The following TRAPPC9 variants were observed in gnomAD, a reference collection of about 807,000 sequenced individuals.
TRAPPC9 encodes trafficking protein particle complex subunit 9, also known as IKK2 binding protein.
In TRAPPC9, 83 loss-of-function variants were observed where a neutral mutation model predicts 124.0. The observed-to-expected ratio is 0.67, with a 90% CI of 0.56 to 0.80. TRAPPC9 has a LOEUF of 0.80. Among genes scored for constraint, TRAPPC9 ranks in the 30% least tolerant of loss-of-function variants. TRAPPC9 has a pLI of 0.00. For synonymous variants in TRAPPC9, 638 were observed against 617.5 expected (o/e 1.03, Z -0.49); for missense variants, 1,302 against 1,508.3 (o/e 0.86, Z 2.27).
At chr8:140,378,420 T>C (rs1361942922) in intron 7 of TRAPPC9, among the ~76,000 whole-genome samples, 2 of 152,170 alleles carry the variant, frequency 1.3e-5, no homozygotes, top group Admixed American at 1.3e-4. Flanking sequence ...CCAGCCTACA[T>C]CTTTCTCCCA....
At chr8:140,217,606 C>A (rs2063226567) in intron 17 of TRAPPC9, among the ~76,000 whole-genome samples, 1 of 122,424 alleles carries the variant, frequency 8.2e-6, no homozygotes, top group Non-Finnish European at 2.1e-5. Context: ...TTTACAGACA[C>A]ATGTAAACAC....
chr8:139,881,484 G>A (rs1829669733), intron 21 of TRAPPC9, among the ~76,000 whole-genome samples: 1 of 152,154 alleles, frequency 6.6e-6, no homozygotes, highest in Admixed American at 6.5e-5. Flanking sequence ...ACAACCTGCT[G>A]AAGCGGGAAT....
At chr8:139,850,656 C>A (rs531299156) in intron 21 of TRAPPC9, among the ~76,000 whole-genome samples, 1 of 152,340 alleles carries the variant, frequency 6.6e-6, no homozygotes, top group South Asian at 2.1e-4. Flanking sequence ...ACAATCAAGT[C>A]ATTCATCCAT....
rs1563980207 is a variant in TRAPPC9 at position 140,371,063 on chromosome 8, G to GGGCCACGCACTGCATGGC, written c.1234_1251dup (p.Ala412_Ala417dup). 4.3e-6 allele frequency: 7 copies of GGGCCACGCACTGCATGGC among 1,614,226 alleles called. 1 individual carries two copies. Among genetic ancestry groups the GGGCCACGCACTGCATGGC allele is most frequent in the Non-Finnish European group, 5.9e-6 (7 of 1,180,038 alleles). ...CTCCACCCAGGCTCCGCGATGCTTG[G>GGGCCACGCACTGCATGGC]GGCCACGCACTGCATGGCGGCCACG... On this transcript the variant is annotated inframe_insertion, in exon 8 of 23. Transcript: ENST00000438773.
chr8:139,880,824 C>T lies in TRAPPC9; in HGVS notation c.3055+5055G>A, dbSNP rs531694389. ...CACTGCAAACAGGAAAATATCATGC[C>T]CCATTTCTGGAAATGGTTCCACACT... On this transcript the variant is annotated intron_variant, in intron 21 of 22. Transcript: ENST00000438773. Among the ~76,000 whole-genome samples the T allele has an allele frequency of 7.9e-5, 12 of 152,212 alleles. No individual in the cohort carries two copies. In the South Asian group the frequency reaches 2.5e-3, roughly 32 times the overall value.
chr8:140,093,834 T>C (rs1844739375), intron 17 of TRAPPC9, among the ~76,000 whole-genome samples: 1 of 152,154 alleles, frequency 6.6e-6, no homozygotes, highest in African/African-American at 2.4e-5. Flanking sequence ...GGGCTAGACT[T>C]AGAATCCCAA....
intron 17 of TRAPPC9, among the ~76,000 whole-genome samples, chr8:140,149,897 G>C (rs1208825099): frequency 1.3e-5 from 2 of 152,296 alleles, no homozygotes; most frequent in South Asian, 2.1e-4. Context: ...ATGCATGTAC[G>C]TATGTCTAGG....
At chr8:140,292,349 C>G (rs1288268225) in intron 11 of TRAPPC9, among the ~76,000 whole-genome samples, 1 of 152,206 alleles carries the variant, frequency 6.6e-6, no homozygotes, top group African/African-American at 2.4e-5. Flanking sequence ...GCCCAGGAAC[C>G]ACACAGCAAG....
intron 21 of TRAPPC9, among the ~76,000 whole-genome samples, chr8:139,859,222 C>T (rs1429137792): frequency 1.3e-5 from 2 of 151,852 alleles, no homozygotes; most frequent in Non-Finnish European, 2.9e-5. Flanking sequence ...CCTGTGTGGC[C>T]GTGTGACCTG....
At position 139,788,930 on chromosome 8, in the gene TRAPPC9, G is replaced by A. The variant is rs868768130; in HGVS notation, c.3056-56728C>T. 5.3e-5 allele frequency among the ~76,000 whole-genome samples: 8 copies of A among 152,184 alleles called. No individual in the cohort carries two copies. The highest frequency in any genetic ancestry group is 1.9e-4 in the East Asian group (1 of 5,186). ...CCAAAGTTTTAAAAGAAAAGCCCAC[G>A]TGGGGAGCATTTTGTTTTGAAAAAG... On this transcript the variant is annotated intron_variant, in intron 21 of 22. Transcript: ENST00000438773. This position sits in a 1 kb window ranked among gnomAD's most constrained non-coding sequence, Gnocchi z 4.9.
In TRAPPC9 at chr8:139,904,643, T is replaced by A. The variant is rs568724405; in HGVS notation, c.2964+5504A>T. ...TGGTGAGTTATTGAACTTCCAAAAT[T>A]TACTTATGTTTTGAAAGGGGTAGGT... is the stretch of plus-strand genomic sequence containing the variant. On this transcript the variant is annotated intron_variant, in intron 20 of 22. Transcript: ENST00000438773. The A allele has an allele frequency of 2.0e-5, 3 of 152,334 alleles. No homozygotes were observed. In the South Asian group the frequency reaches 6.2e-4, roughly 32 times the overall value. 9.4% of individuals were successfully genotyped at this position (152,334 alleles called of 1,614,324 possible). A position where few individuals can be genotyped will look rare whatever the true frequency, so the allele number is the denominator to read the frequency against.
rs554293119 is a variant in TRAPPC9 at position 140,290,231 on chromosome 8, C to T, written c.1854+762G>A. Among the ~76,000 whole-genome samples the T allele has an allele frequency of 2.0e-5, 3 of 152,324 alleles. No individual in the cohort carries two copies. In the East Asian group the frequency reaches 5.8e-4, roughly 29 times the overall value. Reference sequence around the variant, plus strand: ...CAGCGAGATACATGCATGAAAGGCCCGCCTCTTACCCTGAACACCAGTCAT... The same window carrying T: ...CAGCGAGATACATGCATGAAAGGCCTGCCTCTTACCCTGAACACCAGTCAT... On this transcript the variant is annotated intron_variant, in intron 12 of 22. Coordinates refer to ENST00000438773, the MANE Select transcript of TRAPPC9 (RefSeq NM_001160372.4).
chr8:140,033,682 T>TTTTG, intron 17 of TRAPPC9, among the ~76,000 whole-genome samples: 1 of 117,480 alleles, frequency 8.5e-6, no homozygotes. Context: ...TTTTTTTTTT[T>TTTTG]TTTTTTTTTT....
chr8:140,330,842 T>C (rs528117487), intron 9 of TRAPPC9, among the ~76,000 whole-genome samples: 1 of 152,168 alleles, frequency 6.6e-6, no homozygotes, highest in Admixed American at 6.5e-5. Context: ...TTTCTGCTTT[T>C]TTCATTTTGT....
chr8:139,778,497 T>A (rs567188891), intron 21 of TRAPPC9, among the ~76,000 whole-genome samples: 3 of 152,178 alleles, frequency 2.0e-5, no homozygotes, highest in African/African-American at 7.2e-5. Flanking sequence ...AGAACTGACA[T>A]AAATGTTAGA....
intron 11 of TRAPPC9, among the ~76,000 whole-genome samples, chr8:140,294,158 C>G (rs1269032604): frequency 6.6e-6 from 1 of 152,182 alleles, no homozygotes; most frequent in Non-Finnish European, 1.5e-5. Flanking sequence ...TACTGCTTCA[C>G]CTCTCAGGAC....
Position 139,890,268 on chromosome 8 carries a change from A to G in TRAPPC9, c.2965-4299T>C, listed in dbSNP as rs529262636. Reference sequence around the variant, plus strand: ...AGCCGTAACAGGGAGGTCAGGCCCTACGGGCATCTGGCCATTCGTGCTCTC... The same window carrying G: ...AGCCGTAACAGGGAGGTCAGGCCCTGCGGGCATCTGGCCATTCGTGCTCTC... On this transcript the variant is annotated intron_variant, in intron 20 of 22. Transcript: ENST00000438773. Among the ~76,000 whole-genome samples, 9 of 152,364 alleles carry G rather than the reference A, an allele frequency of 5.9e-5. No individual in the cohort carries two copies. The East Asian group carries it at 1.5e-3, about 26-fold the overall frequency.
At chr8:140,358,267 C>T (rs564999470) in intron 9 of TRAPPC9, among the ~76,000 whole-genome samples, 25 of 152,250 alleles carry the variant, frequency 1.6e-4, no homozygotes, top group African/African-American at 4.1e-4. Flanking sequence ...AGTGCAATGG[C>T]GCAACATTGG....
intron 17 of TRAPPC9, among the ~76,000 whole-genome samples, chr8:140,164,947 T>C (rs554612296): frequency 9.9e-5 from 15 of 152,210 alleles, no homozygotes; most frequent in African/African-American, 3.4e-4. Flanking sequence ...AGCAGGCTGC[T>C]GGGATGATGG....
Sources: gnomAD v4.1 joint callset for allele counts (sites outside exome capture counted in the v4.1 genomes callset) on GRCh38, gnomAD v4.1.1 for gene constraint, Gnocchi (gnomAD v3.1) non-coding constraint, MANE v1.5 for transcripts, NCBI Gene and HGNC (gene_info 2026-07-23, HGNC 2026-07-21) for gene names.